The following TENM3 variants were observed in gnomAD, a reference collection of about 807,000 sequenced individuals.
TENM3 encodes the protein teneurin-3.
TENM3 carries 63 observed loss-of-function variants against 255.1 expected under a neutral mutation model. That is an observed-to-expected ratio of 0.25 (90% CI 0.20 to 0.30). TENM3 has a LOEUF of 0.30. TENM3 is among the 10% of genes least tolerant of loss of function. The pLI is 1.00. For missense variants in TENM3, 2,929 were observed against 3,461.1 expected (o/e 0.85, Z 3.86); for synonymous variants, 1,306 against 1,322.3 (o/e 0.99, Z 0.27).
At chr4:181,752,178 C>T in the TENM3 span, among the ~76,000 whole-genome samples, 1 of 152,178 alleles carries the variant, frequency 6.6e-6, no homozygotes, top group African/African-American at 2.4e-5. Flanking sequence ...AGCACCCCAG[C>T]TCTGTAGAAA....
chr4:181,777,203 G>A, the TENM3 span, among the ~76,000 whole-genome samples: 13 of 151,612 alleles, frequency 8.6e-5, no homozygotes, highest in Middle Eastern at 6.8e-3. Context: ...CATGTATGCC[G>A]ACAATGAGTT....
At chr4:182,776,780 C>T (rs909444248) in intron 24 of TENM3, among the ~76,000 whole-genome samples, 1 of 152,130 alleles carries the variant, frequency 6.6e-6, no homozygotes, top group African/African-American at 2.4e-5. Flanking sequence ...AGGAAGAGGC[C>T]AGTGCACACA....
chr4:181,790,277 T>C, the TENM3 span, among the ~76,000 whole-genome samples: 1 of 152,050 alleles, frequency 6.6e-6, no homozygotes, highest in Non-Finnish European at 1.5e-5. Context: ...GAGAAAAAAA[T>C]TGTTTTTTCT....
intron 24 of TENM3, among the ~76,000 whole-genome samples, chr4:182,788,117 T>C (rs1178031005): frequency 6.6e-6 from 1 of 152,222 alleles, no homozygotes; most frequent in East Asian, 1.9e-4. Flanking sequence ...AATATGGTTA[T>C]GTAAAATTAA....
intron 3 of TENM3, among the ~76,000 whole-genome samples, chr4:182,365,213 G>C (rs116476806): frequency 1.3e-5 from 2 of 152,160 alleles, no homozygotes; most frequent in South Asian, 2.1e-4. Context: ...TGAATTGCCA[G>C]TTCTTGCCTC....
intron 3 of TENM3, among the ~76,000 whole-genome samples, chr4:182,537,763 G>C (rs1740480373): frequency 6.6e-6 from 1 of 152,156 alleles, no homozygotes. Flanking sequence ...TCAGGTTTCT[G>C]TGGATACGTT....
At chr4:181,962,549 G>A in the TENM3 span, among the ~76,000 whole-genome samples, 202 of 152,346 alleles carry the variant, frequency 1.3e-3, no homozygotes, top group African/African-American at 4.8e-3. Flanking sequence ...GATGAAACAG[G>A]TTGTTTTGGT....
chr4:181,977,554 A>G, the TENM3 span, among the ~76,000 whole-genome samples: 1 of 152,178 alleles, frequency 6.6e-6, no homozygotes, highest in Admixed American at 6.5e-5. Flanking sequence ...ATGTTTTACT[A>G]AATAAGAAAT....
chr4:181,667,224 G>A, the TENM3 span, among the ~76,000 whole-genome samples: 1 of 152,010 alleles, frequency 6.6e-6, no homozygotes, highest in Non-Finnish European at 1.5e-5. Flanking sequence ...TGAGGTATCC[G>A]TCCATTAATT....
In TENM3 at chr4:182,187,884, G is replaced by A. The variant is rs114518907; in HGVS notation, c.-76+43130G>A. Among the ~76,000 whole-genome samples the A allele has an allele frequency of 4.8e-3, 724 of 152,160 alleles. 2 individuals are homozygous for A. Among genetic ancestry groups the A allele is most frequent in the Non-Finnish European group, 7.1e-3 (486 of 67,994 alleles). The stretch of plus-strand genomic sequence containing the variant: ...TTATTATTGTCTGATGGCCACTTTA[G>A]ATCCATAAAACGAAATGGATTAAAG... On this transcript the variant is annotated intron_variant, in intron 1 of 2. Coordinates refer to the TENM3 transcript ENST00000512480.
the TENM3 span, among the ~76,000 whole-genome samples, chr4:181,561,407 A>G: frequency 6.6e-6 from 1 of 152,314 alleles, no homozygotes; most frequent in Middle Eastern, 3.4e-3. Flanking sequence ...ATTTTTGGTG[A>G]GTAGTTGGAT....
At chr4:181,910,628 GTA>G in the TENM3 span, among the ~76,000 whole-genome samples, 9,055 of 110,606 alleles carry the variant, frequency 0.082, 345 homozygotes, top group East Asian at 0.19. Flanking sequence ...GTGTGTGTGT[GTA>G]TGTGTGTGTG....
At chr4:182,075,035 G>T in the TENM3 span, among the ~76,000 whole-genome samples, 1 of 152,222 alleles carries the variant, frequency 6.6e-6, no homozygotes, top group East Asian at 1.9e-4. Flanking sequence ...GATGGCCAGA[G>T]TGGCGCCTGA....
chr4:182,298,224 C>A (rs1001141627), intron 1 of TENM3, among the ~76,000 whole-genome samples: 1 of 152,174 alleles, frequency 6.6e-6, no homozygotes, highest in Admixed American at 6.5e-5. Context: ...ATGAAACCAG[C>A]GTATCTCTGT....
At chr4:182,249,544 C>G (rs1757857737) in intron 1 of TENM3, among the ~76,000 whole-genome samples, 1 of 152,124 alleles carries the variant, frequency 6.6e-6, no homozygotes, top group Non-Finnish European at 1.5e-5. Flanking sequence ...ATCTTCTGCT[C>G]CATCGTAGAC....
At chr4:182,241,404 C>G (rs956616450), upstream of TENM3, among the ~76,000 whole-genome samples, 3 of 152,086 alleles carry the variant, frequency 2.0e-5, no homozygotes, top group African/African-American at 7.2e-5. Flanking sequence ...GGTGCCCCCT[C>G]TACCTGGGCC....
intron 27 of TENM3, among the ~76,000 whole-genome samples, chr4:182,798,429 T>C (rs1766656037): frequency 6.6e-6 from 1 of 152,218 alleles, no homozygotes; most frequent in African/African-American, 2.4e-5. Flanking sequence ...CTAGAAGCCA[T>C]AGGCCATCCC....
At chr4:181,999,206 A>G in the TENM3 span, among the ~76,000 whole-genome samples, 1 of 152,140 alleles carries the variant, frequency 6.6e-6, no homozygotes, top group South Asian at 2.1e-4. Flanking sequence ...ACTGCTCCAT[A>G]TTTCTCTTCT....
chr4:182,481,049 A>G (rs1734148580), intron 3 of TENM3, among the ~76,000 whole-genome samples: 1 of 151,548 alleles, frequency 6.6e-6, no homozygotes, highest in Admixed American at 6.6e-5. Context: ...CCTCTTATCT[A>G]TTGCTTGGGG....
Sources: allele counts gnomAD v4.1 joint callset (sites outside exome capture counted in the v4.1 genomes callset), GRCh38; gene constraint gnomAD v4.1.1; transcripts MANE v1.5; gene names NCBI Gene and HGNC (gene_info 2026-07-23, HGNC 2026-07-21).